HNRNPA2B1: variants seen among roughly 807,000 people sequenced by gnomAD.
HNRNPA2B1 encodes the protein heterogeneous nuclear ribonucleoprotein A2/B1, also known as heterogeneous nuclear ribonucleoproteins A2/B1.
HNRNPA2B1 carries 3 observed loss-of-function variants against 46.3 expected under a neutral mutation model. That is an observed-to-expected ratio of 0.06 (90% confidence interval 0.03 to 0.17). HNRNPA2B1 has a LOEUF of 0.17. Ranked by LOEUF, HNRNPA2B1 falls within the 10% of genes least tolerant of loss-of-function variation. The pLI is 1.00. For missense variants in HNRNPA2B1, 221 were observed against 418.9 expected, an observed-to-expected ratio of 0.53 and a Z score of 4.12; for synonymous variants, 225 against 133.8, an observed-to-expected ratio of 1.68 and a Z score of -4.70.
chr7:26,195,677 A>G (rs536850580), intron 7 of HNRNPA2B1, 170 bp downstream of exon 7: 317 of 654,882 alleles, frequency 4.8e-4, no homozygotes, highest in African/African-American at 3.0e-3. Flanking sequence ...TCCTTAGGCT[A>G]TAACAGCTAA....
intron 7 of HNRNPA2B1, 60 bp downstream of exon 7, chr7:26,195,787 A>T (rs1018276289): frequency 3.9e-5 from 60 of 1,553,998 alleles, no homozygotes; most frequent in Non-Finnish European, 5.2e-5. Context: ...AATGAAGTAA[A>T]TATACGATAT....
In HNRNPA2B1 at chr7:26,190,864, TACA is replaced by T. The variant is rs944550920; in HGVS notation, c.*1493_*1495del. On this transcript the variant is annotated 3_prime_UTR_variant, in exon 11 of 11. Transcript: ENST00000618183. ...AAGCATGTACAGTTACAACCATAAA[TACA>T]ACAAATGTCTTTAATAAAAACCCCT... 1 of 152,594 alleles carries T rather than the reference TACA, an allele frequency of 6.6e-6. No homozygotes were observed. Among genetic ancestry groups the T allele is most frequent in the Non-Finnish European group, 1.5e-5 (1 of 68,020 alleles). The allele number at this position is 152,594 out of a possible 1,614,324, so 9.5% of individuals were successfully genotyped here.
In HNRNPA2B1 at chr7:26,200,650, A is replaced by G; in HGVS notation, c.-73T>C. On this transcript the variant is annotated 5_prime_UTR_variant, in exon 1 of 11. Coordinates refer to ENST00000618183, the MANE Select transcript of HNRNPA2B1 (RefSeq NM_002137.4). ...AGAGAGATCTCCGCGGACGAACACG[A>G]ACCGGACTCGTCCTGGCGCTGTAGT... The G allele has an allele frequency of 6.3e-7, 1 of 1,598,428 alleles. No homozygotes were observed. Among genetic ancestry groups the G allele is most frequent in the Non-Finnish European group, 8.6e-7 (1 of 1,167,566 alleles).
intron 1 of HNRNPA2B1, chr7:26,200,236 C>G: frequency 3.1e-6 from 1 of 325,890 alleles, no homozygotes; most frequent in Non-Finnish European, 5.8e-6. Flanking sequence ...GCCGAGGAGA[C>G]GCCGTGGCCC....
At chr7:26,199,359 A>G (rs538989496) in intron 1 of HNRNPA2B1, 1 of 152,546 alleles carries the variant, frequency 6.6e-6, no homozygotes, top group East Asian at 1.9e-4. Flanking sequence ...GAAAAGTAAC[A>G]AAGTTCAAAT....
chr7:26,192,850 C>CAA (rs1345361460), intron 9 of HNRNPA2B1, among the ~76,000 whole-genome samples: 1 of 152,154 alleles, frequency 6.6e-6, no homozygotes, highest in African/African-American at 2.4e-5. Context: ...AAAAGTACAT[C>CAA]AAGCCCAAGA....
At chr7:26,198,538 C>A (rs1314809580) in intron 1 of HNRNPA2B1, 1 of 152,000 alleles carries the variant, frequency 6.6e-6, no homozygotes, top group Non-Finnish European at 1.5e-5. Context: ...GTGGCATAAT[C>A]TCTAAGATAA....
Position 26,197,295 on chromosome 7 carries a change from G to C in HNRNPA2B1, c.264+20C>G, listed in dbSNP as rs773954337. On this transcript the variant is annotated intron_variant, in intron 3 of 10. Transcript: ENST00000618183. ...CAGCGTTCTTCATGTTAATGCACAAGACAGTCATTGTTTGCTTACCTCTCT... is the reference window on the plus strand; with the variant it reads ...CAGCGTTCTTCATGTTAATGCACAACACAGTCATTGTTTGCTTACCTCTCT... The C allele has an allele frequency of 1.9e-6, 3 of 1,595,070 alleles. No homozygotes were observed. The highest frequency in any genetic ancestry group is 1.8e-5 in the Admixed American group (1 of 56,446).
At chr7:26,197,969 C>T in intron 1 of HNRNPA2B1, 1 of 660,670 alleles carries the variant, frequency 1.5e-6, no homozygotes, top group Non-Finnish European at 2.6e-6. Context: ...ACACAAGTTT[C>T]AAAGTCATTA....
At chr7:26,197,540 T>C (rs1783784500) in intron 2 of HNRNPA2B1, 79 bp from the exon 3 acceptor site, 1 of 1,565,500 alleles carries the variant, frequency 6.4e-7, no homozygotes, top group Non-Finnish European at 8.8e-7. Flanking sequence ...TTTTTTACTA[T>C]GCTGATAGTT....
chr7:26,195,536 T>C (rs1783476209), intron 7 of HNRNPA2B1, among the ~76,000 whole-genome samples: 1 of 152,244 alleles, frequency 6.6e-6, no homozygotes, highest in South Asian at 2.1e-4. Context: ...TTTTACTCTG[T>C]TAAATCCAGT....
At chr7:26,193,098 G>C (rs966537788) in intron 9 of HNRNPA2B1, among the ~76,000 whole-genome samples, 153 bp downstream of exon 9, 1 of 152,094 alleles carries the variant, frequency 6.6e-6, no homozygotes, top group African/African-American at 2.4e-5. Context: ...TACTTCTGTG[G>C]AGATTTATGC....
Position 26,196,585 on chromosome 7 carries a change from T to C in HNRNPA2B1, c.549A>G (p.Glu183=). 1.9e-6 allele frequency: 3 copies of C among 1,614,044 alleles called. No homozygotes were observed. Among genetic ancestry groups the C allele is most frequent in the Non-Finnish European group, 2.5e-6 (3 of 1,179,876 alleles). Residue 183 remains glutamate, a synonymous_variant, in exon 5 of 11, where the codon GAA becomes GAG. Coordinates refer to ENST00000618183, the MANE Select transcript of HNRNPA2B1 (RefSeq NM_002137.4). ...CTCTTCCACTCCTAGAACTCTGAAC[T>C]TCCTGCATTTCTTGTCTAGACAAAG... is the stretch of plus-strand genomic sequence containing the variant. ...RKALSRQEMQ[E]VQSSRSGRGG...
Position 26,193,300 on chromosome 7 carries a change from C to T in HNRNPA2B1, c.915G>A (p.Lys305=), listed in dbSNP as rs771453629. Residue 305 remains lysine (K), a synonymous_variant, in exon 9 of 11, where the codon AAG becomes AAA. Coordinates refer to ENST00000618183, the MANE Select transcript of HNRNPA2B1 (RefSeq NM_002137.4). The stretch of plus-strand genomic sequence containing the variant: ...TCCTGCTACCACCAAAGTTTCCACT[C>T]TTCATTGGACCGTAGTTAGAAGGTT... ...NQQPSNYGPM[K]SGNFGGSRNM... 4 of 1,613,090 alleles carry T rather than the reference C, an allele frequency of 2.5e-6. No individual in the cohort carries two copies. The Admixed American group carries it at 5.0e-5, about 20-fold the overall frequency.
chr7:26,198,276 C>A (rs909884207), intron 1 of HNRNPA2B1: 11 of 155,236 alleles, frequency 7.1e-5, no homozygotes, highest in African/African-American at 2.4e-4. Context: ...AGTATCTCAG[C>A]CAAAAAAACA....
In HNRNPA2B1 at chr7:26,190,860, T is replaced by C. The variant is rs1782832970; in HGVS notation, c.*1500A>G. 6.6e-6 allele frequency: 1 copy of C among 152,592 alleles called. No homozygotes were observed. The highest frequency in any genetic ancestry group is 2.1e-4 in the South Asian group (1 of 4,834). The allele number at this position is 152,592 out of a possible 1,614,324, so 9.5% of individuals were successfully genotyped here. On this transcript the variant is annotated 3_prime_UTR_variant, in exon 11 of 11. Transcript: ENST00000618183. ...TGATAAGCATGTACAGTTACAACCA[T>C]AAATACAACAAATGTCTTTAATAAA... is the stretch of plus-strand genomic sequence containing the variant.
chr7:26,198,244 GC>G (rs1180150373), intron 1 of HNRNPA2B1: 1 of 161,886 alleles, frequency 6.2e-6, no homozygotes, highest in Non-Finnish European at 1.3e-5. Context: ...TCCCTTAACT[GC>G]CCCCTCTGGT....
In HNRNPA2B1 at chr7:26,200,642, C is replaced by A; in HGVS notation, c.-65G>T. The A allele has an allele frequency of 6.2e-7, 1 of 1,609,418 alleles. No individual in the cohort carries two copies. ...GCGAGATGAGAGAGATCTCCGCGGA[C>A]GAACACGAACCGGACTCGTCCTGGC... On this transcript the variant is annotated 5_prime_UTR_variant, in exon 1 of 11. Coordinates refer to ENST00000618183, the MANE Select transcript of HNRNPA2B1 (RefSeq NM_002137.4).
chr7:26,199,757 A>G (rs929367873), intron 1 of HNRNPA2B1: 1 of 151,968 alleles, frequency 6.6e-6, no homozygotes, highest in African/African-American at 2.4e-5. Flanking sequence ...TACTCAAAGG[A>G]AAAAAAAGAC....
Sources: allele counts gnomAD v4.1 joint callset (sites outside exome capture counted in the v4.1 genomes callset), GRCh38; gene constraint gnomAD v4.1.1; transcripts MANE v1.5; gene names NCBI Gene and HGNC (gene_info 2026-07-23, HGNC 2026-07-21).